PSAT1: variants seen among roughly 807,000 people sequenced by gnomAD.
The protein encoded by PSAT1 is phosphoserine aminotransferase.
Under a neutral mutation model 40.3 loss-of-function variants are expected in PSAT1, and 41 were observed. That is an observed-to-expected ratio of 1.02 (90% CI 0.79 to 1.32). The LOEUF (loss-of-function observed/expected upper bound fraction) is 1.32. Among genes scored for constraint, PSAT1 ranks in the 40% most tolerant of loss-of-function variants. The pLI is 0.00. For missense variants in PSAT1, 406 were observed against 455.8 expected (o/e 0.89, Z 0.99); for synonymous variants, 147 against 170.5 (o/e 0.86, Z 1.07).
At chr9:78,308,076 G>A (rs573889930) in intron 5 of PSAT1, among the ~76,000 whole-genome samples, 2 of 152,194 alleles carry the variant, frequency 1.3e-5, no homozygotes, top group Admixed American at 6.5e-5. Context: ...TGGTAACCAG[G>A]GAGAGTTAGA....
intron 6 of PSAT1, among the ~76,000 whole-genome samples, chr9:78,316,498 T>A (rs1162001344): frequency 6.6e-6 from 1 of 152,026 alleles, no homozygotes; most frequent in Non-Finnish European, 1.5e-5. Context: ...CTTTTTCTGC[T>A]CTCCCCACTC....
At chr9:78,305,871 C>A (rs183704967) in intron 4 of PSAT1, among the ~76,000 whole-genome samples, 134 of 152,238 alleles carry the variant, frequency 8.8e-4, no homozygotes, top group African/African-American at 3.1e-3. Flanking sequence ...ATCTCCCATG[C>A]CTTTTGAAAA....
chr9:78,309,717 AT>A (rs1828238837), intron 6 of PSAT1, among the ~76,000 whole-genome samples: 1 of 152,186 alleles, frequency 6.6e-6, no homozygotes, highest in Non-Finnish European at 1.5e-5. Flanking sequence ...CCTGGCTCTC[AT>A]TCGCTGACTG....
At chr9:78,297,866 C>G (rs1030202240) in intron 1 of PSAT1, among the ~76,000 whole-genome samples, 1 of 152,212 alleles carries the variant, frequency 6.6e-6, no homozygotes, top group African/African-American at 2.4e-5. Flanking sequence ...CACTTAGGAA[C>G]ACTGCTTTTC....
Position 78,328,199 on chromosome 9 carries a change from C to T in PSAT1, c.1007+11C>T, listed in dbSNP as rs1828529167. On this transcript the variant is annotated intron_variant, in intron 8 of 8. Transcript: ENST00000376588. ...CTTGAAAGGGCATAGGTGAGTACAT[C>T]TGCAATGCACGAGCTTGGCAAAGAA... is the stretch of plus-strand genomic sequence containing the variant. The T allele has an allele frequency of 2.5e-6, 4 of 1,613,982 alleles. No individual in the cohort carries two copies. Among genetic ancestry groups the T allele is most frequent in the Admixed American group, 1.7e-5 (1 of 60,022 alleles).
At chr9:78,313,945 C>G (rs1464906856) in intron 6 of PSAT1, among the ~76,000 whole-genome samples, 1 of 152,188 alleles carries the variant, frequency 6.6e-6, no homozygotes, top group African/African-American at 2.4e-5. Flanking sequence ...CCACACCTGG[C>G]CCTTTTTTGT....
chr9:78,312,314 C>T lies in PSAT1; in HGVS notation c.740+3731C>T, dbSNP rs187954397. 2.2e-4 allele frequency among the ~76,000 whole-genome samples: 34 copies of T among 152,270 alleles called. No homozygotes were observed. The East Asian group carries it at 6.2e-3, about 28-fold the overall frequency. ...TACCATGACTAACTGAATACACAAG[C>T]ATACGTTTGTTTTAGCTGCAGTATG... On this transcript the variant is annotated intron_variant, in intron 6 of 8. Coordinates refer to ENST00000376588, the MANE Select transcript of PSAT1 (RefSeq NM_058179.4).
chr9:78,325,312 C>G (rs1417797894), intron 7 of PSAT1, among the ~76,000 whole-genome samples: 2 of 152,202 alleles, frequency 1.3e-5, no homozygotes, highest in East Asian at 3.9e-4. Flanking sequence ...CCCCCAGTCT[C>G]TCCTCTGTGT....
At chr9:78,316,850 G>A (rs1373226243) in intron 6 of PSAT1, among the ~76,000 whole-genome samples, 1 of 152,220 alleles carries the variant, frequency 6.6e-6, no homozygotes, top group East Asian at 1.9e-4. Flanking sequence ...TGCTAAGGAT[G>A]TGGGTAGAAA....
At chr9:78,297,292 C>T in intron 1 of PSAT1, 22 bp downstream of exon 1, 1 of 1,588,864 alleles carries the variant, frequency 6.3e-7, no homozygotes. Flanking sequence ...CGAGCGGGCG[C>T]CGGGAGTGAG....
chr9:78,325,838 G>T (rs1564020090), intron 7 of PSAT1, among the ~76,000 whole-genome samples: 1 of 152,112 alleles, frequency 6.6e-6, no homozygotes, highest in Admixed American at 6.5e-5. Context: ...TTATTGCTTT[G>T]TGATATCTTC....
chr9:78,301,984 A>C lies in PSAT1; in HGVS notation c.152A>C (p.Lys51Thr). 2 of 1,611,882 alleles carry C rather than the reference A, an allele frequency of 1.2e-6. No individual in the cohort carries two copies. Among genetic ancestry groups the C allele is most frequent in the Non-Finnish European group, 1.7e-6 (2 of 1,178,066 alleles). Residue 51 changes from lysine (K) to threonine (T), a missense_variant, in exon 3 of 9, where the codon AAG becomes ACG. Transcript: ENST00000376588. ...AGTCACAGGTCATCAGATTTTGCCA[A>C]GATTATTAACAATACAGAGAATCTT... ...EMSHRSSDFAKIINNTENLVR... is the reference protein window; with the variant it reads ...EMSHRSSDFATIINNTENLVR...
At chr9:78,303,342 A>T (rs557499264) in intron 3 of PSAT1, among the ~76,000 whole-genome samples, 2 of 152,256 alleles carry the variant, frequency 1.3e-5, no homozygotes, top group Admixed American at 1.3e-4. Context: ...TGGCCTGCTG[A>T]GTATCATGTC....
intron 1 of PSAT1, among the ~76,000 whole-genome samples, chr9:78,300,163 C>G (rs1449878898): frequency 6.6e-6 from 1 of 152,202 alleles, no homozygotes; most frequent in Non-Finnish European, 1.5e-5. Context: ...TTCCTTCTTC[C>G]TGCCCACCCC....
chr9:78,327,887 C>T (rs1055535143), intron 7 of PSAT1, among the ~76,000 whole-genome samples, 164 bp from the exon 8 acceptor site: 53 of 152,036 alleles, frequency 3.5e-4, no homozygotes, highest in African/African-American at 1.2e-3. Context: ...GTTTGTTTTC[C>T]CTAAGTAAAC....
At position 78,298,574 on chromosome 9, in the gene PSAT1, A is replaced by G. The variant is rs1429531034; in HGVS notation, c.60+1304A>G. ...CCTGTAGCCTCCTCCTGCACCCCCC[A>G]TGTTTTGGAGTGTTCCCAACGTTTG... On this transcript the variant is annotated intron_variant, in intron 1 of 8. Coordinates refer to ENST00000376588, the MANE Select transcript of PSAT1 (RefSeq NM_058179.4). Among the ~76,000 whole-genome samples, 3 of 152,130 alleles carry G rather than the reference A, an allele frequency of 2.0e-5. No individual in the cohort carries two copies. In the East Asian group the frequency reaches 5.8e-4, roughly 29 times the overall value.
In PSAT1 at chr9:78,304,783, C is replaced by T. The variant is rs371446138; in HGVS notation, c.240C>T (p.Cys80=). Reference sequence around the variant, plus strand: ...TGATTTTTCTGCAAGGAGGTGGGTGCGGCCAGTTCAGTGCTGTCCCCTTAA... The same window carrying T: ...TGATTTTTCTGCAAGGAGGTGGGTGTGGCCAGTTCAGTGCTGTCCCCTTAA... ...YKVIFLQGGG[C]GQFSAVPLNL... The change falls in exon 4 of 9, where the codon TGC becomes TGT. Residue 80 remains cysteine (C), a synonymous_variant. Transcript: ENST00000376588. The T allele has an allele frequency of 6.8e-6, 11 of 1,614,120 alleles. No homozygotes were observed. The highest frequency in any genetic ancestry group is 6.7e-5 in the African/African-American group (5 of 75,018).
intron 2 of PSAT1, 86 bp from the exon 3 acceptor site, chr9:78,301,867 TG>T: frequency 9.6e-7 from 1 of 1,036,280 alleles, no homozygotes; most frequent in East Asian, 2.4e-5. Flanking sequence ...CCTGTATTGT[TG>T]TTTACTTGCA....
chr9:78,322,189 A>G (rs1021987009), intron 7 of PSAT1, among the ~76,000 whole-genome samples: 9 of 151,756 alleles, frequency 5.9e-5, no homozygotes, highest in Non-Finnish European at 8.8e-5. Context: ...GACAGATTCC[A>G]TGTCTGGATC....
Sources: gnomAD v4.1 joint callset for allele counts (sites outside exome capture counted in the v4.1 genomes callset) on GRCh38, gnomAD v4.1.1 for gene constraint, MANE v1.5 for transcripts, NCBI Gene and HGNC (gene_info 2026-07-23, HGNC 2026-07-21) for gene names.